The following FAH variants were observed in gnomAD, a reference collection of about 807,000 sequenced individuals.
FAH encodes fumarylacetoacetase.
A neutral mutation model predicts 55.8 loss-of-function variants in FAH; 47 were observed. The ratio of observed to expected loss-of-function variants is 0.84; its 90% CI spans 0.67 to 1.07. FAH has a LOEUF of 1.07. Ranked by LOEUF, FAH falls within the 50% of genes least tolerant of loss-of-function variation. The pLI is 0.00. For synonymous variants in FAH, 199 were observed against 207.7 expected (o/e 0.96, Z 0.36); for missense variants, 495 against 545.9 (o/e 0.91, Z 0.93).
chr15:80,180,327 C>T (rs1347321897), intron 12 of FAH, 102 bp downstream of exon 12: 12 of 889,172 alleles, frequency 1.3e-5, no homozygotes, highest in Non-Finnish European at 2.2e-5. Flanking sequence ...ATTTCAGGCC[C>T]GAGGTGGGTG....
At chr15:80,177,652 A>G in intron 11 of FAH, 69 bp downstream of exon 11, 1 of 1,398,942 alleles carries the variant, frequency 7.1e-7, no homozygotes, top group Admixed American at 1.7e-5. Flanking sequence ...TCCTGGCAGG[A>G]ACAGGAGGAG....
intron 1 of FAH, among the ~76,000 whole-genome samples, chr15:80,154,274 C>G (rs183227472): frequency 2.2e-4 from 34 of 152,348 alleles, no homozygotes; most frequent in Admixed American, 2.2e-3. Context: ...GATGTGTCCT[C>G]CCTCACCTTT....
At chr15:80,158,699 G>A (rs2041121218) in intron 2 of FAH, among the ~76,000 whole-genome samples, 1 of 152,152 alleles carries the variant, frequency 6.6e-6, no homozygotes, top group Non-Finnish European at 1.5e-5. Context: ...TGGGATTTAT[G>A]GGTACCTCTT....
At chr15:80,156,486 C>G in intron 1 of FAH, 1 of 152,384 alleles carries the variant, frequency 6.6e-6, no homozygotes, top group Non-Finnish European at 1.5e-5. Context: ...ATGCTTCCCC[C>G]TCTATGTCAG....
chr15:80,168,198 C>A, intron 6 of FAH, 49 bp downstream of exon 6: 1 of 1,609,836 alleles, frequency 6.2e-7, no homozygotes, highest in Non-Finnish European at 8.5e-7. Flanking sequence ...CTCTCTGTTC[C>A]CACACAGAGA....
intron 12 of FAH, among the ~76,000 whole-genome samples, chr15:80,180,631 C>T (rs2041323174): frequency 6.6e-6 from 1 of 152,144 alleles, no homozygotes; most frequent in African/African-American, 2.4e-5. Context: ...AGATGATGAC[C>T]TTGGGGTGGT....
intron 1 of FAH, 50 bp downstream of exon 1, chr15:80,153,185 G>A (rs753734814): frequency 1.7e-5 from 18 of 1,042,928 alleles, no homozygotes; most frequent in African/African-American, 3.2e-5. Flanking sequence ...GTGGAGTGGA[G>A]TGGAGTGGAG....
intron 5 of FAH, among the ~76,000 whole-genome samples, chr15:80,166,730 A>G (rs970494129): frequency 7.2e-6 from 1 of 138,410 alleles, no homozygotes; most frequent in African/African-American, 2.8e-5. Flanking sequence ...TTCGCCTCCC[A>G]GGTTCACGCC....
rs780555815 is a variant in FAH, at chr15:80,173,106, G to C, written c.799G>C (p.Asp267His). 6.2e-7 allele frequency: 1 copy of C among 1,614,202 alleles called. No homozygotes were observed. The highest frequency in any genetic ancestry group is 8.5e-7 in the Non-Finnish European group (1 of 1,180,040). ...TGTCTCTCCGTGGGTGGTGCCCATG[G>C]ATGCTCTCATGCCCTTTGCTGTGCC... ...TTVSPWVVPM[D>H]ALMPFAVPNP... is the part of the protein sequence containing the mutation. The change falls in exon 9 of 14, where the codon GAT (aspartate) becomes CAT (histidine). Residue 267 changes from aspartate to histidine, a missense_variant. By Grantham distance (81) the Asp-to-His change is moderately conservative. Transcript: ENST00000561421.
intron 7 of FAH, among the ~76,000 whole-genome samples, chr15:80,171,662 A>G (rs2041241635): frequency 6.6e-6 from 1 of 151,994 alleles, no homozygotes; most frequent in African/African-American, 2.4e-5. Flanking sequence ...GGGTCTCACT[A>G]TGTTGCTCAG....
intron 8 of FAH, 114 bp downstream of exon 8, chr15:80,172,362 G>A (rs1160569199): frequency 1.3e-6 from 1 of 770,334 alleles, no homozygotes; most frequent in Non-Finnish European, 2.3e-6. Context: ...GTGATGCAGT[G>A]ACTGAGAGTG....
downstream of FAH, chr15:80,186,693 G>T (rs1180296151): frequency 4.2e-6 from 1 of 240,730 alleles, no homozygotes; most frequent in African/African-American, 2.3e-5. Context: ...ACCCAAGGAA[G>T]AGCTGCAGTT....
chr15:80,170,957 G>T lies in FAH; in HGVS notation c.607-1192G>T, dbSNP rs146840767. ...ACGTTGGTGCTGTTTTTCTTTAGAGGTAGTGGGATGACAGATAGGGGTTAG... is the reference window on the plus strand; with the variant it reads ...ACGTTGGTGCTGTTTTTCTTTAGAGTTAGTGGGATGACAGATAGGGGTTAG... On this transcript the variant is annotated intron_variant, in intron 7 of 13. Transcript: ENST00000561421. Among the ~76,000 whole-genome samples the T allele has an allele frequency of 1.1e-4, 16 of 152,230 alleles. No homozygotes were observed. In the East Asian group the frequency reaches 2.9e-3, roughly 27 times the overall value.
intron 7 of FAH, among the ~76,000 whole-genome samples, chr15:80,169,348 A>T (rs1448366832): frequency 1.3e-5 from 2 of 151,856 alleles, no homozygotes; most frequent in African/African-American, 2.4e-5. Flanking sequence ...GCGCCACCAC[A>T]CTCCAGCCTG....
At chr15:80,158,725 C>T (rs1030786084) in intron 2 of FAH, among the ~76,000 whole-genome samples, 31 of 152,230 alleles carry the variant, frequency 2.0e-4, no homozygotes, top group African/African-American at 6.5e-4. Flanking sequence ...CCAGGAGCTT[C>T]GCACACATCC....
chr15:80,160,437 G>A lies in FAH; in HGVS notation c.342G>A (p.Thr114=), dbSNP rs773312072. Residue 114 remains threonine (T), a synonymous_variant, in exon 4 of 14, where the codon ACG becomes ACA. Coordinates refer to ENST00000561421, the MANE Select transcript of FAH (RefSeq NM_000137.4). The part of the protein sequence containing the change: ...KCAFISQASA[T]MHLPATIGDY... ...CATTCATCTCCCAGGCTTCTGCCAC[G>A]ATGCACCTTCCAGCCACCATAGGTG... 12 of 1,614,212 alleles carry A rather than the reference G, an allele frequency of 7.4e-6. No homozygotes were observed. The highest frequency in any genetic ancestry group is 2.2e-5 in the East Asian group (1 of 44,884).
At chr15:80,157,753 C>A in intron 1 of FAH, 1 of 436,404 alleles carries the variant, frequency 2.3e-6, no homozygotes, top group Non-Finnish European at 4.3e-6. Context: ...GCCTAGGGAA[C>A]TTTGCAGGGG....
At chr15:80,169,052 A>G (rs1385814583) in intron 7 of FAH, among the ~76,000 whole-genome samples, 1 of 152,190 alleles carries the variant, frequency 6.6e-6, no homozygotes, top group Non-Finnish European at 1.5e-5. Context: ...AAGTCATTCT[A>G]TATTTGCTAA....
At chr15:80,164,332 T>G (rs2041174032) in intron 5 of FAH, among the ~76,000 whole-genome samples, 1 of 152,164 alleles carries the variant, frequency 6.6e-6, no homozygotes, top group African/African-American at 2.4e-5. Flanking sequence ...ATTTCCTACT[T>G]CCTCCTTTGA....
Sources: allele counts gnomAD v4.1 joint callset (sites outside exome capture counted in the v4.1 genomes callset), GRCh38; gene constraint gnomAD v4.1.1; transcripts MANE v1.5; gene names NCBI Gene and HGNC (gene_info 2026-07-23, HGNC 2026-07-21).